DCDC1: variants seen among roughly 807,000 people sequenced by gnomAD.
The protein encoded by DCDC1 is doublecortin domain-containing protein 1.
A neutral mutation model predicts 178.3 loss-of-function variants in DCDC1; 200 were observed. The ratio of observed to expected loss-of-function variants is 1.12; its 90% CI spans 1.00 to 1.26. DCDC1 has a LOEUF of 1.26. DCDC1 is among the 50% of genes most tolerant of loss of function. The probability of loss-of-function intolerance (pLI) is 0.00; values close to 1 mark genes in which losing one functional copy is unlikely to be tolerated. For synonymous variants in DCDC1, 690 were observed against 604.8 expected, an observed-to-expected ratio of 1.14 and a Z score of -2.07; for missense variants, 1,983 against 1,749.2, an observed-to-expected ratio of 1.13 and a Z score of -2.38.
At chr11:31,012,798 T>C (rs1952253848) in intron 20 of DCDC1, among the ~76,000 whole-genome samples, 2 of 152,108 alleles carry the variant, frequency 1.3e-5, no homozygotes, top group African/African-American at 2.4e-5. Flanking sequence ...CAAAATAGTA[T>C]GTTAGCAGGA....
At position 30,887,718 on chromosome 11, in the gene DCDC1, A is replaced by G. The variant is rs924395472; in HGVS notation, c.5082+5100T>C. On this transcript the variant is annotated intron_variant, in intron 36 of 38. Transcript: ENST00000684477. The stretch of plus-strand genomic sequence containing the variant: ...CCACAGGGCTTATTTCTCAAAGAAA[A>G]GTATTGTTTGGCCAGGTGTGGTGGC... 2.0e-5 allele frequency among the ~76,000 whole-genome samples: 3 copies of G among 152,256 alleles called. No individual in the cohort carries two copies. In the East Asian group the frequency reaches 5.8e-4, roughly 29 times the overall value.
chr11:31,363,153 ATT>A (rs1271949140), intron 1 of DCDC1, among the ~76,000 whole-genome samples: 2 of 152,152 alleles, frequency 1.3e-5, no homozygotes, highest in Non-Finnish European at 2.9e-5. Flanking sequence ...GTAATTATAT[ATT>A]AACTATTTTG....
At chr11:30,981,081 C>A (rs953617385) in intron 20 of DCDC1, among the ~76,000 whole-genome samples, 3 of 152,070 alleles carry the variant, frequency 2.0e-5, no homozygotes, top group Non-Finnish European at 4.4e-5. Context: ...AGTGAAATAA[C>A]TAAGAAACAG....
chr11:31,106,916 G>A lies in DCDC1; in HGVS notation c.1632C>T (p.Asn544=), dbSNP rs1300860444. 9 of 766,028 alleles carry A rather than the reference G, an allele frequency of 1.2e-5. No individual in the cohort carries two copies. The highest frequency in any genetic ancestry group is 2.2e-5 in the Non-Finnish European group (9 of 417,780). The allele number at this position is 766,028 out of a possible 1,614,324, so 47.5% of individuals were successfully genotyped here. ...IHQRLQGSSI[N]PPGLNYSSMR... ...TTGAAGAATAATTGAGGCCTGGTGG[G>A]TTGATGGAAGAACCTTGAAGCCTTT... The change falls in exon 13 of 39, where the codon AAC becomes AAT. Residue 544 remains asparagine (N), a synonymous_variant. Coordinates refer to ENST00000684477, the MANE Select transcript of DCDC1 (RefSeq NM_001387274.1).
intron 9 of DCDC1, among the ~76,000 whole-genome samples, chr11:31,198,454 CA>C (rs769793958): frequency 5.9e-4 from 90 of 152,086 alleles, no homozygotes; most frequent in Non-Finnish European, 1.2e-3. Flanking sequence ...CCCCTTTGCA[CA>C]CTTTCAATAA....
chr11:30,940,804 T>C (rs952695052), intron 21 of DCDC1, among the ~76,000 whole-genome samples: 5 of 152,174 alleles, frequency 3.3e-5, no homozygotes, highest in African/African-American at 1.2e-4. Flanking sequence ...TTCTTTGACT[T>C]CATTCTGTCA....
chr11:31,040,625 C>T (rs1361487401), intron 20 of DCDC1, among the ~76,000 whole-genome samples: 1 of 152,056 alleles, frequency 6.6e-6, no homozygotes, highest in Non-Finnish European at 1.5e-5. Flanking sequence ...GCGTTTGCAC[C>T]AATAAATTGC....
At chr11:31,253,648 C>G (rs1944220972) in intron 8 of DCDC1, among the ~76,000 whole-genome samples, 1 of 152,218 alleles carries the variant, frequency 6.6e-6, no homozygotes, top group Non-Finnish European at 1.5e-5. Flanking sequence ...GCAGGCTGAC[C>G]TGCCTTGTAG....
intron 20 of DCDC1, among the ~76,000 whole-genome samples, chr11:30,973,041 G>T (rs1465705093): frequency 6.6e-6 from 1 of 152,070 alleles, no homozygotes; most frequent in African/African-American, 2.4e-5. Context: ...GGGGGCTGAA[G>T]TGGGTGGATA....
chr11:31,178,572 A>C (rs2136270370), intron 9 of DCDC1, among the ~76,000 whole-genome samples: 1 of 152,340 alleles, frequency 6.6e-6, no homozygotes, highest in South Asian at 2.1e-4. Context: ...CTGTTAACAA[A>C]ATGAAGAGAC....
Position 30,881,291 on chromosome 11 carries a change from G to A in DCDC1, c.5100C>T (p.Ser1700=). 3 of 1,613,226 alleles carry A rather than the reference G, an allele frequency of 1.9e-6. No individual in the cohort carries two copies. Among genetic ancestry groups the A allele is most frequent in the South Asian group, 1.1e-5 (1 of 91,058 alleles). ...KTISELLQDC[S]SRLKMTHPAR... is the part of the protein sequence containing the mutation. ...CTGGGTGGGTCATTTTGAGACGAGAGGAGCAGTCTTGCAGCAGCTGAGACA... is the reference window on the plus strand; with the variant it reads ...CTGGGTGGGTCATTTTGAGACGAGAAGAGCAGTCTTGCAGCAGCTGAGACA... The change falls in exon 37 of 39, where the codon TCC becomes TCT. Residue 1700 remains serine, a synonymous_variant. Transcript: ENST00000684477.
intron 9 of DCDC1, among the ~76,000 whole-genome samples, chr11:31,208,292 C>A (rs1972099669): frequency 6.6e-6 from 1 of 152,290 alleles, no homozygotes; most frequent in South Asian, 2.1e-4. Flanking sequence ...ATGTTTTTGG[C>A]TCAGGCTAAC....
chr11:31,062,315 G>A (rs912101512), intron 20 of DCDC1, among the ~76,000 whole-genome samples: 10 of 152,036 alleles, frequency 6.6e-5, no homozygotes, highest in Non-Finnish European at 1.0e-4. Context: ...CTCATAGAGC[G>A]GTATTACGAG....
intron 28 of DCDC1, 96 bp downstream of exon 28, chr11:30,911,231 G>T: frequency 2.1e-6 from 2 of 951,534 alleles, no homozygotes; most frequent in South Asian, 1.5e-5. Flanking sequence ...AGGATTCTAT[G>T]ACAGTTTTTT....
intron 6 of DCDC1, among the ~76,000 whole-genome samples, chr11:31,298,239 G>A (rs932975043): frequency 1.3e-5 from 2 of 152,108 alleles, no homozygotes; most frequent in South Asian, 4.2e-4. Context: ...CTTTCAGCAA[G>A]GTCTCTGCCC....
intron 1 of DCDC1, among the ~76,000 whole-genome samples, chr11:31,364,837 CAA>C (rs1367275082): frequency 1.5e-4 from 20 of 131,980 alleles, no homozygotes; most frequent in South Asian, 2.4e-4. Context: ...GTTAATCTGT[CAA>C]AAAAAAAAAA....
chr11:31,213,872 AAAG>A (rs35348896), intron 9 of DCDC1, among the ~76,000 whole-genome samples: 45,001 of 151,732 alleles, frequency 0.3, 8,089 homozygotes, highest in East Asian at 0.63. Context: ...TATTAGAGAA[AAAG>A]AAGTATTTAT....
intron 37 of DCDC1, 151 bp downstream of exon 37, chr11:30,881,007 T>TGG: frequency 1.2e-6 from 1 of 862,728 alleles, no homozygotes; most frequent in Non-Finnish European, 1.7e-6. Context: ...AGCACATAAA[T>TGG]ATATAAATTT....
intron 3 of DCDC1, among the ~76,000 whole-genome samples, chr11:31,315,498 G>A (rs1263534299): frequency 7.3e-5 from 11 of 150,902 alleles, no homozygotes; most frequent in Admixed American, 2.0e-4. Flanking sequence ...TGCCATGCCC[G>A]GCTAATTTTT....
Sources: gnomAD v4.1 joint callset for allele counts (sites outside exome capture counted in the v4.1 genomes callset) on GRCh38, gnomAD v4.1.1 for gene constraint, MANE v1.5 for transcripts, NCBI Gene and HGNC (gene_info 2026-07-23, HGNC 2026-07-21) for gene names.